The following ADAM19 variants were observed in gnomAD, a reference collection of about 807,000 sequenced individuals.
The protein encoded by ADAM19 is disintegrin and metalloproteinase domain-containing protein 19.
ADAM19 carries 65 observed loss-of-function variants against 114.7 expected under a neutral mutation model. The ratio of observed to expected loss-of-function variants is 0.57; its 90% CI spans 0.46 to 0.70. The LOEUF is 0.70. Among genes scored for constraint, ADAM19 ranks in the 30% least tolerant of loss-of-function variants. ADAM19 has a pLI of 0.00. For synonymous variants in ADAM19, 466 were observed against 460.5 expected (o/e 1.01, Z -0.15); for missense variants, 1,063 against 1,204.7 (o/e 0.88, Z 1.74).
In ADAM19 at chr5:157,493,061, C is replaced by A; in HGVS notation, c.1820G>T (p.Gly607Val). Reference sequence around the variant, plus strand: ...CTCAGGACCTCGGTAGACGTGGGTGCCCCGGCACTGGATCTGCCTCCCATT... The same window carrying A: ...CTCAGGACCTCGGTAGACGTGGGTGACCCGGCACTGGATCTGCCTCCCATT... ...IMNGRQIQCR[G>V]THVYRGPEEE... Residue 607 changes from glycine (G) to valine (V), a missense_variant, in exon 16 of 23, where the codon GGC becomes GTC. By Grantham distance (109) the Gly-to-Val change is moderately radical. Transcript: ENST00000257527. The A allele has an allele frequency of 6.2e-7, 1 of 1,614,246 alleles. No homozygotes were observed. The highest frequency in any genetic ancestry group is 1.1e-5 in the South Asian group (1 of 91,086).
chr5:157,575,515 G>C, intron 1 of ADAM19, 88 bp downstream of exon 1: 1 of 990,974 alleles, frequency 1.0e-6, no homozygotes. Flanking sequence ...GAGGCGCAGG[G>C]GTCGCGGTCC....
intron 2 of ADAM19, among the ~76,000 whole-genome samples, chr5:157,569,844 A>C (rs766945062): frequency 2.0e-5 from 3 of 152,154 alleles, no homozygotes; most frequent in Non-Finnish European, 4.4e-5. Context: ...TATTCTCTCT[A>C]AGCACTATTT....
At chr5:157,526,872 CG>C (rs111794063) in intron 5 of ADAM19, among the ~76,000 whole-genome samples, 1,954 of 152,266 alleles carry the variant, frequency 0.013, 32 homozygotes, top group African/African-American at 0.045. Flanking sequence ...CTGCCTGCCT[CG>C]GCCTCCCAAA....
At chr5:157,494,162 G>A (rs375156365) in intron 15 of ADAM19, among the ~76,000 whole-genome samples, 67 of 134,566 alleles carry the variant, frequency 5.0e-4, no homozygotes, top group Middle Eastern at 7.5e-3. Flanking sequence ...ATAGATGGAC[G>A]GACAGATGGA....
At chr5:157,523,797 G>T (rs576817360) in intron 5 of ADAM19, among the ~76,000 whole-genome samples, 7 of 152,338 alleles carry the variant, frequency 4.6e-5, no homozygotes, top group Admixed American at 4.6e-4. Flanking sequence ...GCAGGCCTGA[G>T]TAATTCCCTG....
intron 3 of ADAM19, among the ~76,000 whole-genome samples, chr5:157,560,288 A>G (rs996762967): frequency 1.3e-5 from 2 of 150,204 alleles, no homozygotes; most frequent in African/African-American, 4.9e-5. Context: ...AAAAAAAAAA[A>G]AAAAGAGGTA....
chr5:157,510,126 A>G (rs1208448104), intron 8 of ADAM19, among the ~76,000 whole-genome samples: 2 of 152,248 alleles, frequency 1.3e-5, no homozygotes, highest in African/African-American at 4.8e-5. Flanking sequence ...ATACCATAAT[A>G]CCCATCTATT....
intron 2 of ADAM19, among the ~76,000 whole-genome samples, chr5:157,567,800 CA>C (rs112813107): frequency 0.35 from 47,786 of 137,416 alleles, 9,715 homozygotes; most frequent in African/African-American, 0.59. Context: ...TCCGTCTAAA[CA>C]AAAAAAAAAA....
intron 5 of ADAM19, among the ~76,000 whole-genome samples, chr5:157,523,873 G>A (rs1301502115): frequency 6.6e-6 from 1 of 152,150 alleles, no homozygotes; most frequent in Non-Finnish European, 1.5e-5. Context: ...CTTTTCACCA[G>A]GCCCATAGTA....
intron 2 of ADAM19, among the ~76,000 whole-genome samples, chr5:157,569,312 A>AT (rs1452335445): frequency 7.2e-6 from 1 of 138,902 alleles, no homozygotes; most frequent in African/African-American, 2.8e-5. Context: ...TGATGCGACT[A>AT]TATCTTACTA....
At chr5:157,518,143 C>G (rs1561540209) in intron 7 of ADAM19, among the ~76,000 whole-genome samples, 1 of 147,196 alleles carries the variant, frequency 6.8e-6, no homozygotes, top group African/African-American at 2.5e-5. Context: ...ATCATCTTTG[C>G]AAAAAAAAAA....
chr5:157,507,106 C>T lies in ADAM19; in HGVS notation c.940G>A (p.Ala314Thr). Residue 314 changes from alanine to threonine, a missense_variant, in exon 10 of 23, where the codon GCC (alanine) becomes ACC (threonine). By Grantham distance (58) the Ala-to-Thr change is moderately conservative. Around this residue, in one of 3 missense-constraint regions of ADAM19, gnomAD observed 615 missense variants for 706.3 expected, o/e 0.87. Transcript: ENST00000257527. ...MSFHGTTIGL[A>T]PLMAMCSVYQ... ...ACAGAGCACATGGCCATGAGGGGGGCCAGGCCGATGGTGGTGCCGTGGAAG... is the reference window on the plus strand; with the variant it reads ...ACAGAGCACATGGCCATGAGGGGGGTCAGGCCGATGGTGGTGCCGTGGAAG... The T allele has an allele frequency of 6.2e-7, 1 of 1,614,070 alleles. No individual in the cohort carries two copies.
intron 5 of ADAM19, among the ~76,000 whole-genome samples, chr5:157,525,736 C>T (rs142436011): frequency 8.5e-5 from 13 of 152,308 alleles, no homozygotes; most frequent in South Asian, 8.3e-4. Flanking sequence ...AGATCTTAAA[C>T]GTGGATCCCT....
At chr5:157,562,606 G>A (rs1757537871) in intron 3 of ADAM19, among the ~76,000 whole-genome samples, 1 of 152,162 alleles carries the variant, frequency 6.6e-6, no homozygotes, top group African/African-American at 2.4e-5. Flanking sequence ...GTCACATTCT[G>A]TAACTCCAGA....
intron 21 of ADAM19, 144 bp downstream of exon 21, chr5:157,488,121 G>A: frequency 1.3e-6 from 1 of 787,696 alleles, no homozygotes; most frequent in South Asian, 1.7e-5. Flanking sequence ...CTAACCTGCT[G>A]TGCGCCCCCG....
Position 157,479,589 on chromosome 5 carries a change from C to T in ADAM19, c.*1360G>A, listed in dbSNP as rs750253647. ...CTGCTGCAGGGAAGACAGGAGCCAC[C>T]GCAGACCCCCTCACCTGCTCAGAGC... On this transcript the variant is annotated 3_prime_UTR_variant, in exon 23 of 23. Coordinates refer to ENST00000257527, the MANE Select transcript of ADAM19 (RefSeq NM_033274.5). 17 of 985,762 alleles carry T rather than the reference C, an allele frequency of 1.7e-5. No individual in the cohort carries two copies. The highest frequency in any genetic ancestry group is 1.0e-4 in the African/African-American group (6 of 57,228). 61.1% of individuals were successfully genotyped at this position (985,762 alleles called of 1,614,324 possible).
chr5:157,555,751 C>T lies in ADAM19; in HGVS notation c.251+8622G>A, dbSNP rs576390987. Among the ~76,000 whole-genome samples, 3 of 152,308 alleles carry T rather than the reference C, an allele frequency of 2.0e-5. No homozygotes were observed. The East Asian group carries it at 5.8e-4, about 29-fold the overall frequency. ...CAAACAACAGAAAGTTGTTTTCACACAGCTTGAGAGGTCAGAAGAATGAAA... is the reference window on the plus strand; with the variant it reads ...CAAACAACAGAAAGTTGTTTTCACATAGCTTGAGAGGTCAGAAGAATGAAA... On this transcript the variant is annotated intron_variant, in intron 3 of 22. Transcript: ENST00000257527.
intron 11 of ADAM19, among the ~76,000 whole-genome samples, chr5:157,503,553 A>G (rs1415288667): frequency 6.6e-6 from 1 of 151,922 alleles, no homozygotes. Flanking sequence ...ATAACATTCT[A>G]TTTTTCTTAG....
intron 3 of ADAM19, among the ~76,000 whole-genome samples, chr5:157,563,328 G>A (rs533096016): frequency 6.6e-6 from 1 of 152,322 alleles, no homozygotes; most frequent in East Asian, 1.9e-4. Flanking sequence ...CACTGCACAA[G>A]CTGTGAGTTG....
Sources: gnomAD v4.1 joint callset for allele counts (sites outside exome capture counted in the v4.1 genomes callset) on GRCh38, gnomAD v4.1.1 for gene constraint, gnomAD v4.1.1 regional missense constraint, MANE v1.5 for transcripts, NCBI Gene and HGNC (gene_info 2026-07-23, HGNC 2026-07-21) for gene names.